Variants in FSIP1 observed in about 807,000 individuals in gnomAD.
The protein encoded by FSIP1 is fibrous sheath-interacting protein 1.
FSIP1 carries 65 observed loss-of-function variants against 60.9 expected under a neutral mutation model. The ratio of observed to expected loss-of-function variants is 1.07; its 90% confidence interval spans 0.87 to 1.31. The LOEUF (loss-of-function observed/expected upper bound fraction) is 1.31. Among genes scored for constraint, FSIP1 ranks in the 40% most tolerant of loss-of-function variants. The probability of loss-of-function intolerance (pLI) is 0.00; values close to 1 mark genes in which losing one functional copy is unlikely to be tolerated. For synonymous variants in FSIP1, 209 were observed against 221.2 expected, an observed-to-expected ratio of 0.94 and a Z score of 0.49; for missense variants, 675 against 665.5, an observed-to-expected ratio of 1.01 and a Z score of -0.16.
At chr15:39,719,055 G>A (rs140687850) in intron 9 of FSIP1, among the ~76,000 whole-genome samples, 65 of 152,264 alleles carry the variant, frequency 4.3e-4, no homozygotes, top group Admixed American at 8.5e-4. Flanking sequence ...CATGGCCTCC[G>A]ATGGCATAAC....
At chr15:39,618,432 G>A (rs939604951) in intron 10 of FSIP1, among the ~76,000 whole-genome samples, 187 bp from the exon 11 acceptor site, 35 of 152,152 alleles carry the variant, frequency 2.3e-4, no homozygotes, top group Non-Finnish European at 2.9e-5. Flanking sequence ...CAAAATCTTT[G>A]GTTGGTGTTT....
At chr15:39,706,762 G>C (rs1171337162) in intron 10 of FSIP1, among the ~76,000 whole-genome samples, 2 of 152,084 alleles carry the variant, frequency 1.3e-5, no homozygotes, top group Admixed American at 6.5e-5. Flanking sequence ...CCCGCTAAAA[G>C]TAATTACTGT....
intron 10 of FSIP1, among the ~76,000 whole-genome samples, chr15:39,677,951 G>T (rs374111838): frequency 6.6e-6 from 1 of 150,414 alleles, no homozygotes; most frequent in African/African-American, 2.4e-5. Context: ...AGCCAAGATC[G>T]CACCACTGCA....
chr15:39,673,460 C>A (rs1317673292), intron 10 of FSIP1, among the ~76,000 whole-genome samples: 1 of 151,754 alleles, frequency 6.6e-6, no homozygotes, highest in Non-Finnish European at 1.5e-5. Context: ...ACCACAGGCA[C>A]ACGCCACCAC....
chr15:39,638,035 C>G (rs760554037), intron 10 of FSIP1, among the ~76,000 whole-genome samples: 1 of 152,204 alleles, frequency 6.6e-6, no homozygotes, highest in Non-Finnish European at 1.5e-5. Context: ...CCTTGAGTTT[C>G]ACCATGCAAA....
intron 10 of FSIP1, among the ~76,000 whole-genome samples, chr15:39,655,088 A>G (rs1335484461): frequency 1.3e-5 from 2 of 152,236 alleles, no homozygotes; most frequent in Admixed American, 1.3e-4. Context: ...AAGTTGATAA[A>G]ACTTAGAGAA....
chr15:39,664,920 T>C (rs1314247547), intron 10 of FSIP1, among the ~76,000 whole-genome samples: 1 of 152,138 alleles, frequency 6.6e-6, no homozygotes, highest in Admixed American at 6.5e-5. Flanking sequence ...TGTAGCTATT[T>C]CCTCCCACTA....
rs546849099 is a variant in FSIP1 at position 39,617,410 on chromosome 15, A to G, written c.1699+325T>C. Among the ~76,000 whole-genome samples the G allele has an allele frequency of 4.6e-5, 7 of 152,344 alleles. No homozygotes were observed. The East Asian group carries it at 5.8e-4, about 13-fold the overall frequency. The stretch of plus-strand genomic sequence containing the variant: ...TTCATCACTAAAGTTTGAAAATACT[A>G]AAGTTTGAAGTTGAAATACTAAGCA... On this transcript the variant is annotated intron_variant, in intron 11 of 11. Transcript: ENST00000350221.
At chr15:39,722,130 G>A (rs537714003) in intron 9 of FSIP1, among the ~76,000 whole-genome samples, 11 of 152,118 alleles carry the variant, frequency 7.2e-5, no homozygotes, top group South Asian at 6.2e-4. Flanking sequence ...GATCAGCAGC[G>A]GCATTACATT....
chr15:39,709,718 C>A (rs1270857636), intron 10 of FSIP1, among the ~76,000 whole-genome samples: 2 of 152,074 alleles, frequency 1.3e-5, no homozygotes, highest in Non-Finnish European at 2.9e-5. Context: ...GGTCATCAGG[C>A]ATTAGATTTT....
At chr15:39,772,280 T>C (rs189565167) in intron 2 of FSIP1, among the ~76,000 whole-genome samples, 16 of 152,208 alleles carry the variant, frequency 1.1e-4, no homozygotes, top group Admixed American at 8.5e-4. Context: ...TAACATCACA[T>C]CCCATCTCTG....
intron 1 of FSIP1, among the ~76,000 whole-genome samples, chr15:39,781,342 G>A (rs1021410343): frequency 2.0e-5 from 3 of 152,208 alleles, no homozygotes; most frequent in Non-Finnish European, 2.9e-5. Flanking sequence ...CAAAGTTGGA[G>A]AGCAACTGTA....
chr15:39,631,256 C>T (rs1378330795), intron 10 of FSIP1, among the ~76,000 whole-genome samples: 1 of 152,206 alleles, frequency 6.6e-6, no homozygotes, highest in Non-Finnish European at 1.5e-5. Flanking sequence ...TAGGCCATGG[C>T]CCATCCTAGG....
chr15:39,769,026 T>C (rs567668181), intron 3 of FSIP1, among the ~76,000 whole-genome samples: 13 of 152,312 alleles, frequency 8.5e-5, no homozygotes, highest in African/African-American at 3.1e-4. Flanking sequence ...ACGCCTGTAA[T>C]CCCAGCACTT....
At chr15:39,626,725 C>T (rs1891653960) in intron 10 of FSIP1, among the ~76,000 whole-genome samples, 1 of 152,178 alleles carries the variant, frequency 6.6e-6, no homozygotes, top group Non-Finnish European at 1.5e-5. Context: ...CGCCATGATC[C>T]TAAGTTTCCT....
intron 2 of FSIP1, among the ~76,000 whole-genome samples, chr15:39,776,029 T>C (rs1898042325): frequency 6.7e-6 from 1 of 149,130 alleles, no homozygotes; most frequent in Admixed American, 6.7e-5. Flanking sequence ...ATACAAAACT[T>C]CCTTATAAAG....
At chr15:39,619,289 G>A (rs1023766555) in intron 10 of FSIP1, among the ~76,000 whole-genome samples, 2 of 152,058 alleles carry the variant, frequency 1.3e-5, no homozygotes, top group African/African-American at 2.4e-5. Flanking sequence ...AAACAATTTT[G>A]TGCCATGTTT....
intron 5 of FSIP1, among the ~76,000 whole-genome samples, chr15:39,746,295 C>A (rs1293793178): frequency 6.6e-6 from 1 of 152,050 alleles, no homozygotes; most frequent in Non-Finnish European, 1.5e-5. Context: ...GAAAGCACCC[C>A]CTTGACTCAG....
chr15:39,610,848 C>A (rs1288630988), intron 11 of FSIP1, among the ~76,000 whole-genome samples: 3 of 152,146 alleles, frequency 2.0e-5, no homozygotes, highest in Non-Finnish European at 2.9e-5. Flanking sequence ...AAAAACAAAA[C>A]TGGCAACCAA....
Sources: gnomAD v4.1 joint callset for allele counts (sites outside exome capture counted in the v4.1 genomes callset) on GRCh38, gnomAD v4.1.1 for gene constraint, MANE v1.5 for transcripts, NCBI Gene and HGNC (gene_info 2026-07-23, HGNC 2026-07-21) for gene names.